Variants in CCAR1 observed in about 807,000 individuals in gnomAD.
CCAR1 encodes cell division cycle and apoptosis regulator protein 1.
CCAR1 carries 78 observed loss-of-function variants against 163.8 expected under a neutral mutation model. The ratio of observed to expected loss-of-function variants is 0.48; its 90% CI spans 0.40 to 0.57. The LOEUF (loss-of-function observed/expected upper bound fraction) is 0.57. Among genes scored for constraint, CCAR1 ranks in the 20% least tolerant of loss-of-function variants. The pLI is 0.00. For missense variants in CCAR1, 1,019 were observed against 1,365.2 expected (o/e 0.75, Z 4.00); for synonymous variants, 443 against 460.7 (o/e 0.96, Z 0.49).
intron 2 of CCAR1, among the ~76,000 whole-genome samples, chr10:68,723,246 T>G (rs970598735): frequency 2.0e-5 from 3 of 151,004 alleles, no homozygotes; most frequent in African/African-American, 7.3e-5. Flanking sequence ...CTCAGCCTCC[T>G]GAGTAGCTGG....
intron 19 of CCAR1, among the ~76,000 whole-genome samples, chr10:68,778,271 G>A (rs1053310099): frequency 3.3e-5 from 5 of 152,092 alleles, no homozygotes; most frequent in Non-Finnish European, 4.4e-5. Context: ...ACTCTACCAC[G>A]TCATGTCTCC....
intron 17 of CCAR1, among the ~76,000 whole-genome samples, chr10:68,770,712 C>T (rs1385996387): frequency 6.6e-6 from 1 of 152,024 alleles, no homozygotes; most frequent in African/African-American, 2.4e-5. Flanking sequence ...CACTGCACTC[C>T]AGTTTGGGTG....
intron 2 of CCAR1, among the ~76,000 whole-genome samples, chr10:68,729,202 G>A (rs757966390): frequency 2.0e-5 from 3 of 151,812 alleles, no homozygotes; most frequent in Non-Finnish European, 2.9e-5. Flanking sequence ...ACTTGTAATA[G>A]GTTATATTTA....
At chr10:68,728,194 A>G (rs929860048) in intron 2 of CCAR1, among the ~76,000 whole-genome samples, 2 of 152,110 alleles carry the variant, frequency 1.3e-5, no homozygotes, top group Admixed American at 6.6e-5. Flanking sequence ...AAATATTTAC[A>G]TGTGTATCTG....
At chr10:68,759,727 A>T (rs537882764) in intron 15 of CCAR1, among the ~76,000 whole-genome samples, 8 of 152,152 alleles carry the variant, frequency 5.3e-5, no homozygotes, top group African/African-American at 1.9e-4. Flanking sequence ...TGGGTGACAG[A>T]GCAAGACCCT....
At chr10:68,789,516 G>A (rs10998433) in intron 23 of CCAR1, among the ~76,000 whole-genome samples, 194 bp from the exon 24 acceptor site, 32,760 of 151,904 alleles carry the variant, frequency 0.22, 3,742 homozygotes, top group South Asian at 0.28. Flanking sequence ...GCAACAGAGT[G>A]AGACTCAGTC....
intron 8 of CCAR1, 46 bp downstream of exon 8, chr10:68,747,612 T>A (rs772154720): frequency 6.5e-7 from 1 of 1,530,490 alleles, no homozygotes; most frequent in Non-Finnish European, 9.0e-7. Flanking sequence ...TTTTAGTTGT[T>A]GATAATGTAA....
Position 68,748,315 on chromosome 10 carries a change from G to A in CCAR1, c.826+749G>A, listed in dbSNP as rs12261428. 4.6e-5 allele frequency among the ~76,000 whole-genome samples: 7 copies of A among 152,008 alleles called. No individual in the cohort carries two copies. The South Asian group carries it at 1.5e-3, about 32-fold the overall frequency. ...CTCTGGAGGCTGAGACAGGAGAATC[G>A]CTTGAACCCAGGAGGCGGAGGTTGC... is the stretch of plus-strand genomic sequence containing the variant. On this transcript the variant is annotated intron_variant, in intron 8 of 24. Transcript: ENST00000265872.
At position 68,742,396 on chromosome 10, in the gene CCAR1, A is replaced by G. The variant is rs2133334585; in HGVS notation, c.345A>G (p.Thr115=). The G allele has an allele frequency of 6.2e-7, 1 of 1,612,666 alleles. No homozygotes were observed. The highest frequency in any genetic ancestry group is 8.5e-7 in the Non-Finnish European group (1 of 1,179,412). The change falls in exon 6 of 25, where the codon ACA becomes ACG. Residue 115 remains threonine (T), a synonymous_variant. Coordinates refer to ENST00000265872, the MANE Select transcript of CCAR1 (RefSeq NM_018237.4). ...TATAGCCAGCTGTTGCACTGCCTAC[A>G]AGCCTTAGCCTGTCTACTCCTCAGC... ...LLTQPAVALP[T]SLSLSTPQPT... is the part of the protein sequence containing the mutation.
intron 18 of CCAR1, among the ~76,000 whole-genome samples, chr10:68,772,445 T>C (rs1052838845): frequency 1.3e-5 from 2 of 151,172 alleles, no homozygotes; most frequent in African/African-American, 2.4e-5. Flanking sequence ...ATTGTGCCAC[T>C]GCACTCCAGC....
chr10:68,790,354 TAAAAAA>T (rs530271339), intron 24 of CCAR1, among the ~76,000 whole-genome samples: 1 of 136,148 alleles, frequency 7.3e-6, no homozygotes, highest in African/African-American at 2.7e-5. Context: ...GACCCCATCT[TAAAAAA>T]AAAAAAAAAA....
rs1392251545 is a variant in CCAR1, at chr10:68,792,087, A to T, written c.*821A>T. 6.6e-6 allele frequency: 1 copy of T among 152,150 alleles called. No homozygotes were observed. The highest frequency in any genetic ancestry group is 1.5e-5 in the Non-Finnish European group (1 of 68,094). 9.4% of individuals were successfully genotyped at this position (152,150 alleles called of 1,614,324 possible). A position where few individuals can be genotyped will look rare whatever the true frequency, so the allele number is the denominator to read the frequency against. On this transcript the variant is annotated 3_prime_UTR_variant, in exon 25 of 25. Transcript: ENST00000265872. The stretch of plus-strand genomic sequence containing the variant: ...ACTCCATCTCAAAAAGAAAAAAAAA[A>T]AAAATCAGTTTATTTGAAAGACAGT...
chr10:68,753,155 T>G (rs1311763873), intron 10 of CCAR1, among the ~76,000 whole-genome samples: 1 of 150,602 alleles, frequency 6.6e-6, no homozygotes, highest in Non-Finnish European at 1.5e-5. Flanking sequence ...TTTGCCAGAT[T>G]GACCTTTCAG....
rs577680661 is a variant in CCAR1 at position 68,785,043 on chromosome 10, G to A, written c.2651-1093G>A. Among the ~76,000 whole-genome samples, 5 of 148,782 alleles carry A rather than the reference G, an allele frequency of 3.4e-5. No individual in the cohort carries two copies. The East Asian group carries it at 8.0e-4, about 24-fold the overall frequency. ...CGCCATTCTCCTGTCTCAGCCTCCC[G>A]AGTAGCTGGGACTACAGACGCCGGC... is the stretch of plus-strand genomic sequence containing the variant. On this transcript the variant is annotated intron_variant, in intron 19 of 24. Transcript: ENST00000265872.
chr10:68,731,485 G>A (rs1446201890), intron 2 of CCAR1, among the ~76,000 whole-genome samples: 1 of 151,404 alleles, frequency 6.6e-6, no homozygotes, highest in African/African-American at 2.4e-5. Flanking sequence ...ATTTGAATAA[G>A]TACCTGGTAG....
In CCAR1 at chr10:68,756,502, T is replaced by C. The variant is rs2056398487; in HGVS notation, c.1836+19T>C. On this transcript the variant is annotated intron_variant, in intron 14 of 24. Transcript: ENST00000265872. The surrounding 1 kb of genome is among the most constrained non-coding windows in gnomAD (Gnocchi z 5.1). The stretch of plus-strand genomic sequence containing the variant: ...AGAACAGGCACTGAACGCTAATCCC[T>C]TTTTCTATTTCCGCTTCTCACAGGC... 1.3e-6 allele frequency: 2 copies of C among 1,566,834 alleles called. No individual in the cohort carries two copies. Among genetic ancestry groups the C allele is most frequent in the South Asian group, 1.2e-5 (1 of 86,606 alleles).
intron 2 of CCAR1, among the ~76,000 whole-genome samples, chr10:68,730,323 A>G (rs906463416): frequency 2.7e-5 from 4 of 149,088 alleles, no homozygotes; most frequent in African/African-American, 9.9e-5. Context: ...GTTTTTAAAA[A>G]AGAATATATA....
chr10:68,737,632 A>G (rs1012458780), intron 3 of CCAR1, among the ~76,000 whole-genome samples: 1 of 151,624 alleles, frequency 6.6e-6, no homozygotes. Flanking sequence ...TCACAACTTG[A>G]TTTACTTTAG....
intron 16 of CCAR1, among the ~76,000 whole-genome samples, chr10:68,764,122 G>A (rs1256123787): frequency 6.6e-6 from 1 of 152,134 alleles, no homozygotes; most frequent in Non-Finnish European, 1.5e-5. Flanking sequence ...CATATTGAAA[G>A]CTGTGAATTT....
Sources: gnomAD v4.1 joint callset for allele counts (sites outside exome capture counted in the v4.1 genomes callset) on GRCh38, gnomAD v4.1.1 for gene constraint, Gnocchi (gnomAD v3.1) non-coding constraint, MANE v1.5 for transcripts, NCBI Gene and HGNC (gene_info 2026-07-23, HGNC 2026-07-21) for gene names.